The following DLGAP3 variants were observed in gnomAD, a reference collection of about 807,000 sequenced individuals.
DLGAP3 encodes the protein DLG associated protein 3.
Under a neutral mutation model 81.2 loss-of-function variants are expected in DLGAP3, and 17 were observed. The observed-to-expected ratio is 0.21, with a 90% CI of 0.14 to 0.31. The LOEUF is 0.31. DLGAP3 is among the 10% of genes least tolerant of loss of function. The probability of loss-of-function intolerance (pLI) is 1.00; values close to 1 mark genes in which losing one functional copy is unlikely to be tolerated. For synonymous variants in DLGAP3, 577 were observed against 587.4 expected (o/e 0.98, Z 0.26); for missense variants, 1,124 against 1,388.0 (o/e 0.81, Z 3.02).
intron 8 of DLGAP3, among the ~76,000 whole-genome samples, chr1:34,878,752 G>T (rs1639098347): frequency 1.3e-5 from 2 of 152,152 alleles, no homozygotes; most frequent in Non-Finnish European, 2.9e-5. Context: ...TTTGGCACCA[G>T]GGACTAGTTT....
Position 34,905,370 on chromosome 1 carries a change from T to C in DLGAP3, c.14A>G (p.His5Arg). 1 of 1,553,986 alleles carries C rather than the reference T, an allele frequency of 6.4e-7. No individual in the cohort carries two copies. Among genetic ancestry groups the C allele is most frequent in the Non-Finnish European group, 8.7e-7 (1 of 1,148,836 alleles). The change falls in exon 3 of 12, where the codon CAT becomes CGT. Residue 5 changes from histidine (H) to arginine (R), a missense_variant. Physicochemically the swap from His to Arg is conservative, Grantham distance 29. This residue lies in a region of DLGAP3 where 167 missense variants were observed against 172.1 expected (regional missense o/e 0.97). Coordinates refer to ENST00000373347, the MANE Select transcript of DLGAP3 (RefSeq NM_001080418.3). ...GCGGGGATGGCTGCCTCGGTCGCCA[T>C]GGTAACCCCTCATGGCCTCAGCAAA... MRGY[H>R]GDRGSHPRPA...
Position 34,868,779 on chromosome 1 carries a change from G to T in DLGAP3, c.2311C>A (p.Arg771Ser), listed in dbSNP as rs774657338. The T allele has an allele frequency of 1.3e-6, 2 of 1,592,422 alleles. No homozygotes were observed. Among genetic ancestry groups the T allele is most frequent in the Non-Finnish European group, 8.5e-7 (1 of 1,172,940 alleles). ...APTPGPGAGR[R>S]DSWIERGSRS... ...GAACCGCGCTCTATCCAGGAGTCACGGCGGCCGGCCCCAGGGCCGGGGGTG... is the reference window on the plus strand; with the variant it reads ...GAACCGCGCTCTATCCAGGAGTCACTGCGGCCGGCCCCAGGGCCGGGGGTG... The change falls in exon 9 of 12, where the codon CGT (arginine) becomes AGT (serine). Residue 771 changes from arginine (R) to serine (S), a missense_variant. Physicochemically the swap from Arg to Ser is moderately radical, Grantham distance 110. This residue lies in a region of DLGAP3 where 379 missense variants were observed against 455.7 expected (regional missense o/e 0.83). Coordinates refer to ENST00000373347, the MANE Select transcript of DLGAP3 (RefSeq NM_001080418.3). This position sits in a 1 kb window ranked among gnomAD's most constrained non-coding sequence, Gnocchi z 7.5.
At chr1:34,922,798 C>T (rs1219116357) in intron 1 of DLGAP3, among the ~76,000 whole-genome samples, 2 of 152,116 alleles carry the variant, frequency 1.3e-5, no homozygotes. Flanking sequence ...TGGCTTCTAT[C>T]CTTCATATTC....
Position 34,904,303 on chromosome 1 carries a change from T to C in DLGAP3, c.1081A>G (p.Lys361Glu). The part of the protein sequence containing the change: ...KGLLGPETKA[K>E]ARTYHYLQVP... The stretch of plus-strand genomic sequence containing the variant: ...TGCAGATAGTGATAAGTCCTGGCTT[T>C]GGCCTTGGTCTCCGGACCCAGGAGC... Residue 361 changes from lysine to glutamate, a missense_variant, in exon 3 of 12, where the codon AAA becomes GAA. Coordinates refer to ENST00000373347, the MANE Select transcript of DLGAP3 (RefSeq NM_001080418.3). The surrounding 1 kb of genome is among the most constrained non-coding windows in gnomAD (Gnocchi z 8.1). 6.2e-7 allele frequency: 1 copy of C among 1,607,394 alleles called. No homozygotes were observed.
In DLGAP3 at chr1:34,868,929, G is replaced by A. The variant is rs375417289; in HGVS notation, c.2161C>T (p.Arg721Trp). 1.7e-5 allele frequency: 28 copies of A among 1,608,980 alleles called. No homozygotes were observed. The highest frequency in any genetic ancestry group is 1.7e-4 in the Middle Eastern group (1 of 6,060). ...CGGAAGACTGAGTAGGTGGGGGCCCGGGGCCCAGGCTGGGGCTCAGAGGCG... is the reference window on the plus strand; with the variant it reads ...CGGAAGACTGAGTAGGTGGGGGCCCAGGGCCCAGGCTGGGGCTCAGAGGCG... Reference protein sequence around the residue: ...RHASEPQPGPRAPTYSVFRTV... With the variant: ...RHASEPQPGPWAPTYSVFRTV... Residue 721 changes from arginine (R) to tryptophan (W), a missense_variant, in exon 9 of 12, where the codon CGG becomes TGG. Physicochemically the swap from Arg to Trp is moderately radical, Grantham distance 101. Transcript: ENST00000373347. The surrounding 1 kb of genome is among the most constrained non-coding windows in gnomAD (Gnocchi z 7.5).
At chr1:34,926,316 G>A (rs994689466) in intron 1 of DLGAP3, among the ~76,000 whole-genome samples, 25 of 152,158 alleles carry the variant, frequency 1.6e-4, no homozygotes, top group Admixed American at 1.6e-3. Flanking sequence ...GAGCCCAGGG[G>A]CCTGACAAGT....
At position 34,904,746 on chromosome 1, in the gene DLGAP3, C is replaced by A; in HGVS notation, c.638G>T (p.Gly213Val). Residue 213 changes from glycine (G) to valine (V), a missense_variant, in exon 3 of 12, where the codon GGC becomes GTC. Coordinates refer to ENST00000373347, the MANE Select transcript of DLGAP3 (RefSeq NM_001080418.3). This position sits in a 1 kb window ranked among gnomAD's most constrained non-coding sequence, Gnocchi z 8.1. ...GGTGTGGGGGCCTCCAGAGCCCGGG[C>A]CGGGGTAGCTGTCTCCTCCAGAGCC... ...RGGSGGDSYP[G>V]PGSGGPHTSH... 1 of 1,611,864 alleles carries A rather than the reference C, an allele frequency of 6.2e-7. No homozygotes were observed. The highest frequency in any genetic ancestry group is 8.5e-7 in the Non-Finnish European group (1 of 1,180,016).
chr1:34,925,102 C>G (rs1158909045), intron 1 of DLGAP3, among the ~76,000 whole-genome samples: 1 of 152,148 alleles, frequency 6.6e-6, no homozygotes, highest in Non-Finnish European at 1.5e-5. Context: ...AGGTTTACCC[C>G]ACCACACACC....
intron 8 of DLGAP3, 124 bp from the exon 9 acceptor site, chr1:34,869,213 T>A: frequency 1.4e-6 from 1 of 699,248 alleles, no homozygotes; most frequent in African/African-American, 1.8e-5. Context: ...CATTAACCTA[T>A]GCACTTTAAA....
intron 1 of DLGAP3, among the ~76,000 whole-genome samples, chr1:34,926,869 A>T (rs1237551861): frequency 6.6e-6 from 1 of 152,142 alleles, no homozygotes; most frequent in Non-Finnish European, 1.5e-5. Flanking sequence ...TTCATTAGGA[A>T]CCCAATAAGG....
At chr1:34,920,325 C>T (rs1457374751) in intron 1 of DLGAP3, among the ~76,000 whole-genome samples, 1 of 152,050 alleles carries the variant, frequency 6.6e-6, no homozygotes, top group African/African-American at 2.4e-5. Context: ...TGCAGCCTGG[C>T]TGGCAGGAAT....
intron 1 of DLGAP3, among the ~76,000 whole-genome samples, chr1:34,915,693 T>C (rs1456523530): frequency 1.3e-5 from 2 of 152,166 alleles, no homozygotes; most frequent in Admixed American, 6.5e-5. Flanking sequence ...CAGGTTCACG[T>C]CGTGGCACCT....
Position 34,904,988 on chromosome 1 carries a change from T to C in DLGAP3, c.396A>G (p.Gln132=), listed in dbSNP as rs759944422. The change falls in exon 3 of 12, where the codon CAA becomes CAG. Residue 132 remains glutamine, a synonymous_variant. Coordinates refer to ENST00000373347, the MANE Select transcript of DLGAP3 (RefSeq NM_001080418.3). The surrounding 1 kb of genome is among the most constrained non-coding windows in gnomAD (Gnocchi z 8.1). Reference sequence around the variant, plus strand: ...ATGGTAGTGTGTGGAAGCCATCTTGTTGAACTGGCAACTGCTTTTCAAACT... The same window carrying C: ...ATGGTAGTGTGTGGAAGCCATCTTGCTGAACTGGCAACTGCTTTTCAAACT... The part of the protein sequence containing the change: ...LDQFEKQLPV[Q]QDGFHTLPYQ... 1.7e-5 allele frequency: 28 copies of C among 1,613,030 alleles called. No individual in the cohort carries two copies. Among genetic ancestry groups the C allele is most frequent in the Non-Finnish European group, 2.3e-5 (27 of 1,179,624 alleles).
chr1:34,891,194 G>A (rs767137920), intron 5 of DLGAP3, among the ~76,000 whole-genome samples: 9 of 152,152 alleles, frequency 5.9e-5, no homozygotes, highest in South Asian at 2.1e-4. Flanking sequence ...AGAATAGCAC[G>A]ACTCTATAGT....
Position 34,895,907 on chromosome 1 carries a change from G to A in DLGAP3, c.1386+3762C>T, listed in dbSNP as rs931273739. Among the ~76,000 whole-genome samples, 2 of 141,160 alleles carry A rather than the reference G, an allele frequency of 1.4e-5. No homozygotes were observed. The highest frequency in any genetic ancestry group is 2.7e-5 in the African/African-American group (1 of 37,002). 92.6% of individuals were successfully genotyped at this position (141,160 alleles called of 152,430 possible). A position where few individuals can be genotyped will look rare whatever the true frequency, so the allele number is the denominator to read the frequency against. On this transcript the variant is annotated intron_variant, in intron 5 of 11. Transcript: ENST00000373347. The surrounding 1 kb of genome is among the most constrained non-coding windows in gnomAD (Gnocchi z 4.5). ...AAACATAAAGCTGGACCCCTAACTT[G>A]AATCACACATACACACACACACACA... is the stretch of plus-strand genomic sequence containing the variant.
intron 8 of DLGAP3, among the ~76,000 whole-genome samples, chr1:34,882,901 G>A (rs1034777469): frequency 2.0e-5 from 3 of 151,980 alleles, no homozygotes; most frequent in Non-Finnish European, 2.9e-5. Flanking sequence ...TTCAGTTCCC[G>A]ATGCATGTCA....
At position 34,885,695 on chromosome 1, in the gene DLGAP3, T is replaced by G; in HGVS notation, c.1697A>C (p.His566Pro). 1 of 1,414,840 alleles carries G rather than the reference T, an allele frequency of 7.1e-7. No homozygotes were observed. The highest frequency in any genetic ancestry group is 9.1e-7 in the Non-Finnish European group (1 of 1,094,656). The allele number at this position is 1,414,840 out of a possible 1,614,324, so 87.6% of individuals were successfully genotyped here. Residue 566 changes from histidine (H) to proline (P), a missense_variant, in exon 7 of 12, where the codon CAC becomes CCC. By Grantham distance (77) the His-to-Pro change is moderately conservative. Transcript: ENST00000373347. ...GCCCTCGGCCGCCGTGAAGCTCTCGTGCGCGGAGTCGGTGCTGCTCTGGGC... is the reference window on the plus strand; with the variant it reads ...GCCCTCGGCCGCCGTGAAGCTCTCGGGCGCGGAGTCGGTGCTGCTCTGGGC... ...ITAQSSTDSA[H>P]ESFTAAEGPA...
intron 1 of DLGAP3, among the ~76,000 whole-genome samples, chr1:34,926,282 G>A (rs1051579455): frequency 6.6e-6 from 1 of 152,146 alleles, no homozygotes; most frequent in African/African-American, 2.4e-5. Context: ...GGGAAGAAGG[G>A]CTGGTAGGAA....
chr1:34,922,555 G>GACAT (rs1258532729), intron 1 of DLGAP3, among the ~76,000 whole-genome samples: 1 of 151,946 alleles, frequency 6.6e-6, no homozygotes, highest in Non-Finnish European at 1.5e-5. Flanking sequence ...TGCACACATT[G>GACAT]GTTTAATTCA....
Sources: gnomAD v4.1 joint callset for allele counts (sites outside exome capture counted in the v4.1 genomes callset) on GRCh38, gnomAD v4.1.1 for gene constraint, gnomAD v4.1.1 regional missense constraint, Gnocchi (gnomAD v3.1) non-coding constraint, MANE v1.5 for transcripts, NCBI Gene and HGNC (gene_info 2026-07-23, HGNC 2026-07-21) for gene names.